Variants in APAF1 observed in about 807,000 individuals in gnomAD.
APAF1 encodes apoptotic peptidase activating factor 1.
In APAF1, 91 loss-of-function variants were observed where a neutral mutation model predicts 152.4. That is an observed-to-expected ratio of 0.60 (90% confidence interval 0.50 to 0.71). The LOEUF (loss-of-function observed/expected upper bound fraction) is 0.71, where lower values mean the gene tolerates loss of function less well. Among genes scored for constraint, APAF1 ranks in the 30% least tolerant of loss-of-function variants. APAF1 has a pLI of 0.00. For missense variants in APAF1, 1,283 were observed against 1,472.0 expected (o/e 0.87, Z 2.10); for synonymous variants, 484 against 494.1 (o/e 0.98, Z 0.27).
intron 16 of APAF1, among the ~76,000 whole-genome samples, chr12:98,687,705 A>G (rs2097699464): frequency 6.6e-6 from 1 of 152,218 alleles, no homozygotes; most frequent in Admixed American, 6.5e-5. Context: ...TGAAGGTCCC[A>G]TCTCTCAATA....
At chr12:98,684,075 T>C (rs1035781852) in intron 15 of APAF1, among the ~76,000 whole-genome samples, 2 of 152,180 alleles carry the variant, frequency 1.3e-5, no homozygotes, top group Non-Finnish European at 2.9e-5. Flanking sequence ...TACCATACCA[T>C]CTTTGCAATT....
At chr12:98,663,856 G>A (rs756953954) in intron 7 of APAF1, among the ~76,000 whole-genome samples, 8 of 151,648 alleles carry the variant, frequency 5.3e-5, no homozygotes, top group Non-Finnish European at 1.0e-4. Flanking sequence ...ACGGGGTTTC[G>A]CCATGTTGGT....
intron 9 of APAF1, among the ~76,000 whole-genome samples, chr12:98,667,159 A>G (rs1458451918): frequency 6.6e-6 from 1 of 150,706 alleles, no homozygotes; most frequent in Non-Finnish European, 1.5e-5. Context: ...CCAGGCTGGC[A>G]TGCAGTGGCT....
At chr12:98,691,764 A>G (rs368006226) in intron 16 of APAF1, among the ~76,000 whole-genome samples, 1 of 151,856 alleles carries the variant, frequency 6.6e-6, no homozygotes, top group Non-Finnish European at 1.5e-5. Flanking sequence ...TTTTACATCA[A>G]TGTTTTATTC....
intron 16 of APAF1, among the ~76,000 whole-genome samples, chr12:98,687,969 G>A (rs949599125): frequency 1.3e-5 from 2 of 152,078 alleles, no homozygotes; most frequent in Non-Finnish European, 1.5e-5. Context: ...CTGCCACCAA[G>A]CCTGGCTAAT....
At chr12:98,659,895 A>T (rs2097662852) in intron 5 of APAF1, among the ~76,000 whole-genome samples, 2 of 152,006 alleles carry the variant, frequency 1.3e-5, no homozygotes, top group Admixed American at 1.3e-4. Context: ...TACCTACCAC[A>T]TCATCTCATA....
intron 23 of APAF1, 36 bp downstream of exon 23, chr12:98,723,348 A>G (rs764266322): frequency 1.3e-6 from 2 of 1,592,048 alleles, no homozygotes; most frequent in Non-Finnish European, 1.7e-6. Context: ...TTGAAAAAGT[A>G]TTCTCATATT....
chr12:98,695,388 ACT>A (rs141444986), intron 16 of APAF1, among the ~76,000 whole-genome samples: 2,066 of 124,124 alleles, frequency 0.017, 43 homozygotes, highest in African/African-American at 0.06. Flanking sequence ...ACAGGGTCTC[ACT>A]CTGTCACACA....
chr12:98,681,583 T>G (rs2097692285), intron 14 of APAF1, among the ~76,000 whole-genome samples: 1 of 152,140 alleles, frequency 6.6e-6, no homozygotes, highest in African/African-American at 2.4e-5. Flanking sequence ...CTTGGGTGTT[T>G]TCCTGAAGTT....
At position 98,671,718 on chromosome 12, in the gene APAF1, A is replaced by G; in HGVS notation, c.1792A>G (p.Ile598Val). The G allele has an allele frequency of 1.2e-6, 2 of 1,614,038 alleles. No homozygotes were observed. Among genetic ancestry groups the G allele is most frequent in the Non-Finnish European group, 1.7e-6 (2 of 1,179,944 alleles). ...TAATGGAATGCTTTACCTGGAATGG[A>G]TGTAAGTAGGTTAGGAGAGAAACCA... ...VDNGMLYLEW[I>V]NKKNITNLSR... The change falls in exon 12 of 27, where the codon ATA becomes GTA. Residue 598 changes from isoleucine (I) to valine (V), a missense_variant and splice_region_variant. By Grantham distance (29) the Ile-to-Val change is conservative (BLOSUM62 3). Transcript: ENST00000551964.
chr12:98,705,237 A>G (rs1297768453), intron 18 of APAF1, among the ~76,000 whole-genome samples: 1 of 152,182 alleles, frequency 6.6e-6, no homozygotes, highest in Non-Finnish European at 1.5e-5. Context: ...GGAAACAATG[A>G]AAGAGTATCT....
chr12:98,682,440 A>G (rs2097693431), intron 14 of APAF1, among the ~76,000 whole-genome samples: 2 of 152,230 alleles, frequency 1.3e-5, no homozygotes, highest in Non-Finnish European at 2.9e-5. Flanking sequence ...ATTTCCTGCT[A>G]CAGCTTGCAG....
chr12:98,668,269 T>C (rs1229946615), intron 10 of APAF1, among the ~76,000 whole-genome samples: 1 of 152,206 alleles, frequency 6.6e-6, no homozygotes, highest in Non-Finnish European at 1.5e-5. Context: ...AAAGGTACCT[T>C]AGTAACTAGT....
intron 5 of APAF1, 21 bp from the exon 6 acceptor site, chr12:98,662,435 A>T: frequency 6.6e-7 from 1 of 1,520,524 alleles, no homozygotes; most frequent in Non-Finnish European, 9.1e-7. Flanking sequence ...ATTAGTGATT[A>T]ATATTTTTTT....
At position 98,735,205 on chromosome 12, in the gene APAF1, G is replaced by T. The variant is rs902400573; in HGVS notation, c.*2639G>T. The T allele has an allele frequency of 7.5e-6, 3 of 398,922 alleles. No homozygotes were observed. The highest frequency in any genetic ancestry group is 6.2e-5 in the African/African-American group (3 of 48,628). 24.7% of individuals were successfully genotyped at this position (398,922 alleles called of 1,614,324 possible). On this transcript the variant is annotated 3_prime_UTR_variant, in exon 27 of 27. Transcript: ENST00000551964. ...AGAGGAGGATTTTGTTTTGTAGTTTGCAGATGAGCATTTCTAAAGCATTTT... is the reference window on the plus strand; with the variant it reads ...AGAGGAGGATTTTGTTTTGTAGTTTTCAGATGAGCATTTCTAAAGCATTTT...
At chr12:98,649,006 C>A in intron 3 of APAF1, 191 bp downstream of exon 3, 1 of 752,520 alleles carries the variant, frequency 1.3e-6, no homozygotes, top group Non-Finnish European at 2.2e-6. Context: ...TTCTTCTTGC[C>A]CAGTGAACTG....
intron 4 of APAF1, among the ~76,000 whole-genome samples, chr12:98,657,539 ATAAT>A (rs2097659302): frequency 6.6e-6 from 1 of 152,226 alleles, no homozygotes; most frequent in African/African-American, 2.4e-5. Context: ...TCTAATTTTC[ATAAT>A]TAATATGTCA....
intron 22 of APAF1, among the ~76,000 whole-genome samples, chr12:98,716,536 C>T (rs898863001): frequency 6.6e-6 from 1 of 152,178 alleles, no homozygotes; most frequent in African/African-American, 2.4e-5. Context: ...CCAAAGTTCA[C>T]GTTGAAAAGT....
At chr12:98,701,412 T>C (rs750362945) in intron 17 of APAF1, among the ~76,000 whole-genome samples, 4 of 152,204 alleles carry the variant, frequency 2.6e-5, no homozygotes, top group Non-Finnish European at 5.9e-5. Context: ...TTTAGTTTTC[T>C]GAGGAACCAC....
Sources: allele counts gnomAD v4.1 joint callset (sites outside exome capture counted in the v4.1 genomes callset), GRCh38; gene constraint gnomAD v4.1.1; transcripts MANE v1.5; gene names NCBI Gene and HGNC (gene_info 2026-07-23, HGNC 2026-07-21).